The following SPTA1 variants were observed in gnomAD, a reference collection of about 807,000 sequenced individuals.
The protein encoded by SPTA1 is spectrin alpha, erythrocytic 1, also known as spectrin alpha chain, erythrocytic 1.
In SPTA1, 177 loss-of-function variants were observed where a neutral mutation model predicts 324.7. That is an observed-to-expected ratio of 0.55 (90% CI 0.48 to 0.62). The LOEUF is 0.62. SPTA1 is among the 20% of genes least tolerant of loss of function. The probability of loss-of-function intolerance (pLI) is 0.00; values close to 1 mark genes in which losing one functional copy is unlikely to be tolerated. For synonymous variants in SPTA1, 1,195 were observed against 1,041.3 expected (o/e 1.15, Z -2.84); for missense variants, 3,162 against 2,883.6 (o/e 1.10, Z -2.21).
At position 158,639,928 on chromosome 1, in the gene SPTA1, G is replaced by T. The variant is rs1202747436; in HGVS notation, c.4817C>A (p.Ala1606Asp). The change falls in exon 34 of 52, where the codon GCC becomes GAC. Residue 1606 changes from alanine (A) to aspartate (D), a missense_variant. Physicochemically the swap from Ala to Asp is moderately radical, Grantham distance 126. Coordinates refer to ENST00000643759, the MANE Select transcript of SPTA1 (RefSeq NM_003126.4). ...TNDKGKKLNE[A>D]SRQQRFNTSI... Reference sequence around the variant, plus strand: ...TGTGTTGAACCTCTGTTGACGACTGGCCTCATTGAGCTTCTTCCCTTTGTC... The same window carrying T: ...TGTGTTGAACCTCTGTTGACGACTGTCCTCATTGAGCTTCTTCCCTTTGTC... 6.2e-7 allele frequency: 1 copy of T among 1,613,878 alleles called. No individual in the cohort carries two copies. Among genetic ancestry groups the T allele is most frequent in the South Asian group, 1.1e-5 (1 of 91,078 alleles).
chr1:158,619,923 G>A (rs565440180), intron 44 of SPTA1, among the ~76,000 whole-genome samples: 2 of 152,092 alleles, frequency 1.3e-5, no homozygotes, highest in East Asian at 3.9e-4. Flanking sequence ...CATGTCTTGG[G>A]GCTTCTGTTT....
intron 2 of SPTA1, 35 bp from the exon 3 acceptor site, chr1:158,683,531 A>T: frequency 6.2e-7 from 1 of 1,611,670 alleles, no homozygotes; most frequent in African/African-American, 1.3e-5. Context: ...TGTCTAATGA[A>T]GCACAGTCTT....
chr1:158,678,525 G>T lies in SPTA1; in HGVS notation c.688C>A (p.Pro230Thr). 1 of 1,613,418 alleles carries T rather than the reference G, an allele frequency of 6.2e-7. No individual in the cohort carries two copies. The highest frequency in any genetic ancestry group is 8.5e-7 in the Non-Finnish European group (1 of 1,179,630). Reference sequence around the variant, plus strand: ...TTAGACTGAATTAAGGGTAGGTCAGGATGGTTTTCCTGTTGAAGGAAAACA... The same window carrying T: ...TTAGACTGAATTAAGGGTAGGTCAGTATGGTTTTCCTGTTGAAGGAAAACA... Reference protein sequence around the residue: ...YANECAEENHPDLPLIQSKQN... With the variant: ...YANECAEENHTDLPLIQSKQN... Residue 230 changes from proline to threonine, a missense_variant, in exon 6 of 52, where the codon CCT (proline) becomes ACT (threonine). Coordinates refer to ENST00000643759, the MANE Select transcript of SPTA1 (RefSeq NM_003126.4).
At position 158,685,280 on chromosome 1, in the gene SPTA1, A is replaced by G. The variant is rs773826036; in HGVS notation, c.92T>C (p.Val31Ala). 1 of 1,613,890 alleles carries G rather than the reference A, an allele frequency of 6.2e-7. No homozygotes were observed. Among genetic ancestry groups the G allele is most frequent in the Admixed American group, 1.7e-5 (1 of 59,982 alleles). ...AEEIQERRQEVLTRYQSFKER... is the reference protein window; with the variant it reads ...AEEIQERRQEALTRYQSFKER... The stretch of plus-strand genomic sequence containing the variant: ...CTTGAAACTTTGATACCGAGTCAAC[A>G]CTTCCTGACGCCTCTCCTGGATCTC... The change falls in exon 2 of 52, where the codon GTG becomes GCG. Residue 31 changes from valine to alanine, a missense_variant. Coordinates refer to ENST00000643759, the MANE Select transcript of SPTA1 (RefSeq NM_003126.4).
chr1:158,632,514 A>G (rs1404471129), intron 39 of SPTA1, among the ~76,000 whole-genome samples: 1 of 152,204 alleles, frequency 6.6e-6, no homozygotes, highest in African/African-American at 2.4e-5. Flanking sequence ...GAGACATTTC[A>G]CTGAGGAAAA....
Position 158,630,273 on chromosome 1 carries a change from A to G in SPTA1, c.5566-2550T>C, listed in dbSNP as rs1377551136. Among the ~76,000 whole-genome samples the G allele has an allele frequency of 2.0e-5, 3 of 152,092 alleles. No homozygotes were observed. The East Asian group carries it at 5.8e-4, about 29-fold the overall frequency. ...ACAGTAAAAAGCTACAATAATTAAG[A>G]GTATGGTACTGGCATAAAAACAGAC... On this transcript the variant is annotated intron_variant, in intron 39 of 51. Coordinates refer to ENST00000643759, the MANE Select transcript of SPTA1 (RefSeq NM_003126.4).
chr1:158,659,421 T>C (rs1169721547), intron 18 of SPTA1, among the ~76,000 whole-genome samples: 1 of 151,844 alleles, frequency 6.6e-6, no homozygotes, highest in African/African-American at 2.4e-5. Flanking sequence ...GTTAGACTGA[T>C]TAATAGTTCC....
chr1:158,656,921 A>G (rs1419468763), intron 19 of SPTA1, among the ~76,000 whole-genome samples: 1 of 152,214 alleles, frequency 6.6e-6, no homozygotes, highest in Admixed American at 6.5e-5. Flanking sequence ...TGAAAAGAGG[A>G]TGCTGTTGAT....
chr1:158,663,068 CTAATT>C (rs1653355166), intron 16 of SPTA1, 123 bp from the exon 17 acceptor site: 2 of 1,354,314 alleles, frequency 1.5e-6, no homozygotes, highest in Non-Finnish European at 2.1e-6. Flanking sequence ...GTTCTGATCT[CTAATT>C]AAATCAGTGA....
In SPTA1 at chr1:158,659,595, A is replaced by ATTATTTTT. The variant is rs1345384278; in HGVS notation, c.2587+1691_2587+1692insAAAAATAA. Among the ~76,000 whole-genome samples, 49 of 68,714 alleles carry ATTATTTTT rather than the reference A, an allele frequency of 7.1e-4. 12 individuals carry two copies. Among genetic ancestry groups the ATTATTTTT allele is most frequent in the Non-Finnish European group, 1.3e-3 (38 of 30,036 alleles). The allele number at this position is 68,714 out of a possible 152,430, so 45.1% of individuals were successfully genotyped here. Reference sequence around the variant, plus strand: ...AAAAGAAAATAATAGTCTTAGCATTATTTTTTTTTTTTTTTTTTTTTTTTT... The same window carrying ATTATTTTT: ...AAAAGAAAATAATAGTCTTAGCATTATTATTTTTTTTTTTTTTTTTTTTTTTTTTTTTT... On this transcript the variant is annotated intron_variant, in intron 18 of 51. Transcript: ENST00000643759.
chr1:158,659,328 T>C (rs183346752), intron 18 of SPTA1, among the ~76,000 whole-genome samples: 2 of 152,178 alleles, frequency 1.3e-5, no homozygotes, highest in Admixed American at 1.3e-4. Context: ...ATTCCTGGAA[T>C]AGTGGCTTTC....
At position 158,638,092 on chromosome 1, in the gene SPTA1, T is replaced by A; in HGVS notation, c.5130A>T (p.Lys1710Asn). Residue 1710 changes from lysine to asparagine, a missense_variant, in exon 36 of 52, where the codon AAA (lysine) becomes AAT (asparagine). Physicochemically the swap from Lys to Asn is moderately conservative, Grantham distance 94 (BLOSUM62 0). Coordinates refer to ENST00000643759, the MANE Select transcript of SPTA1 (RefSeq NM_003126.4). ...ELAAAHHEKL[K>N]EAYALFQFFQ... ...AGAACTGGAACAAGGCATAGGCCTC[T>A]TTCAATTTTTCGTGGTGTGCAGCTG... 2 of 1,614,090 alleles carry A rather than the reference T, an allele frequency of 1.2e-6. No individual in the cohort carries two copies. Among genetic ancestry groups the A allele is most frequent in the Non-Finnish European group, 1.7e-6 (2 of 1,179,968 alleles).
rs917754880 is a variant in SPTA1 at position 158,650,026 on chromosome 1, T to G, written c.3478-79A>C. The G allele has an allele frequency of 3.1e-6, 3 of 967,216 alleles. No homozygotes were observed. In the Admixed American group the frequency reaches 5.8e-5, roughly 19 times the overall value. 59.9% of individuals were successfully genotyped at this position (967,216 alleles called of 1,614,324 possible). A position where few individuals can be genotyped will look rare whatever the true frequency, so the allele number is the denominator to read the frequency against. The stretch of plus-strand genomic sequence containing the variant: ...AGTGGCGTCTGAAGACCAGACAAGA[T>G]TTAAAACATAGTTGTTTTTACGTTA... On this transcript the variant is annotated intron_variant, in intron 24 of 51. Transcript: ENST00000643759.
chr1:158,638,008 A>C (rs1423210549), intron 36 of SPTA1, 25 bp downstream of exon 36: 1 of 1,610,966 alleles, frequency 6.2e-7, no homozygotes, highest in South Asian at 1.1e-5. Flanking sequence ...TATTATCCAC[A>C]CATTTTTGAG....
At position 158,657,460 on chromosome 1, in the gene SPTA1, A is replaced by AG; in HGVS notation, c.2805+16_2805+17insC. 9.4e-6 allele frequency: 14 copies of AG among 1,495,574 alleles called. No individual in the cohort carries two copies. Among genetic ancestry groups the AG allele is most frequent in the Non-Finnish European group, 1.3e-5 (14 of 1,077,564 alleles). 92.6% of individuals were successfully genotyped at this position (1,495,574 alleles called of 1,614,324 possible). A position where few individuals can be genotyped will look rare whatever the true frequency, so the allele number is the denominator to read the frequency against. ...GTTTGTTGAGGATTCACAATGTTAA[A>AG]CCCACCCCCACCTTACCCCAGCTGC... On this transcript the variant is annotated intron_variant, in intron 19 of 51. Transcript: ENST00000643759.
At chr1:158,671,955 C>T (rs1654054177) in intron 11 of SPTA1, 104 bp downstream of exon 11, 9 of 1,446,682 alleles carry the variant, frequency 6.2e-6, no homozygotes, top group Non-Finnish European at 8.7e-6. Context: ...CCAAGACAAG[C>T]TCTGACTCAC....
At chr1:158,640,259 G>T (rs1485225188) in intron 33 of SPTA1, among the ~76,000 whole-genome samples, 1 of 152,090 alleles carries the variant, frequency 6.6e-6, no homozygotes, top group African/African-American at 2.4e-5. Flanking sequence ...AAAACTATTG[G>T]CAGAAGGGAT....
Position 158,671,441 on chromosome 1 carries a change from T to A in SPTA1, c.1501A>T (p.Asn501Tyr). ...WMSRQEAFLE[N>Y]EDLGNSLGSA... ...CCCAGTGAGTTTCCCAGATCCTCGT[T>A]TTCCAGGAAGGCCTGTAGAAGACAG... The change falls in exon 12 of 52, where the codon AAC (asparagine) becomes TAC (tyrosine). Residue 501 changes from asparagine (N) to tyrosine (Y), a missense_variant. Transcript: ENST00000643759. The A allele has an allele frequency of 6.2e-7, 1 of 1,612,878 alleles. No homozygotes were observed. The highest frequency in any genetic ancestry group is 8.5e-7 in the Non-Finnish European group (1 of 1,179,872).
chr1:158,620,041 T>A (rs777751163), intron 44 of SPTA1, 129 bp downstream of exon 44: 2 of 1,251,112 alleles, frequency 1.6e-6, no homozygotes, highest in East Asian at 2.3e-5. Context: ...TAGACAGTCA[T>A]GTTTCATGAC....
Sources: gnomAD v4.1 joint callset for allele counts (sites outside exome capture counted in the v4.1 genomes callset) on GRCh38, gnomAD v4.1.1 for gene constraint, MANE v1.5 for transcripts, NCBI Gene and HGNC (gene_info 2026-07-23, HGNC 2026-07-21) for gene names.